ZBTB2: variants seen among roughly 807,000 people sequenced by gnomAD.
The protein encoded by ZBTB2 is zinc finger and BTB domain containing 2, also known as zinc finger and BTB domain-containing protein 2.
A neutral mutation model predicts 39.5 loss-of-function variants in ZBTB2; 2 were observed. The ratio of observed to expected loss-of-function variants is 0.05; its 90% confidence interval spans 0.02 to 0.16. ZBTB2 has a LOEUF of 0.16. ZBTB2 is among the 10% of genes least tolerant of loss of function. The pLI, the probability that ZBTB2 is intolerant of heterozygous loss-of-function variation, is 1.00. For missense variants in ZBTB2, 391 were observed against 653.0 expected, an observed-to-expected ratio of 0.60 and a Z score of 4.37; for synonymous variants, 251 against 256.6, an observed-to-expected ratio of 0.98 and a Z score of 0.21.
intron 1 of ZBTB2, among the ~76,000 whole-genome samples, chr6:151,382,898 T>C (rs2114875913): frequency 6.6e-6 from 1 of 151,912 alleles, no homozygotes. Context: ...CAACATAAAA[T>C]GTTACTTTAA....
intron 1 of ZBTB2, among the ~76,000 whole-genome samples, chr6:151,377,779 C>T (rs992593681): frequency 1.3e-5 from 2 of 151,848 alleles, no homozygotes; most frequent in Non-Finnish European, 2.9e-5. Flanking sequence ...TGTGATCCGC[C>T]CACCTTGGCC....
chr6:151,366,455 G>A lies in ZBTB2; in HGVS notation c.611C>T (p.Pro204Leu). ...PSDPLQTSLS[P>L]ELVSTPVPPP... is the part of the protein sequence containing the mutation. Reference sequence around the variant, plus strand: ...AGGAACAGGAGTGGAAACAAGTTCTGGAGACAGCGAGGTCTGCAGGGGGTC... The same window carrying A: ...AGGAACAGGAGTGGAAACAAGTTCTAGAGACAGCGAGGTCTGCAGGGGGTC... The change falls in exon 3 of 3, where the codon CCA (proline) becomes CTA (leucine). Residue 204 changes from proline to leucine, a missense_variant. Physicochemically the swap from Pro to Leu is moderately conservative, Grantham distance 98. Coordinates refer to ENST00000325144, the MANE Select transcript of ZBTB2 (RefSeq NM_020861.3). The surrounding 1 kb of genome is among the most constrained non-coding windows in gnomAD (Gnocchi z 7.1). The A allele has an allele frequency of 6.2e-7, 1 of 1,614,064 alleles. No individual in the cohort carries two copies. Among genetic ancestry groups the A allele is most frequent in the Non-Finnish European group, 8.5e-7 (1 of 1,180,004 alleles).
chr6:151,381,876 G>A (rs991085819), intron 1 of ZBTB2, among the ~76,000 whole-genome samples: 1 of 152,202 alleles, frequency 6.6e-6, no homozygotes, highest in Non-Finnish European at 1.5e-5. Flanking sequence ...CCTCCCAGAG[G>A]AAGGGCAGGT....
At chr6:151,370,589 T>G (rs974291849) in intron 2 of ZBTB2, among the ~76,000 whole-genome samples, 2 of 152,228 alleles carry the variant, frequency 1.3e-5, no homozygotes, top group African/African-American at 4.8e-5. Flanking sequence ...GCTGAAAGTC[T>G]GTAGTTGTCT....
intron 1 of ZBTB2, among the ~76,000 whole-genome samples, chr6:151,382,948 T>C (rs1473772787): frequency 6.6e-6 from 1 of 151,708 alleles, no homozygotes; most frequent in Non-Finnish European, 1.5e-5. Flanking sequence ...TTTTTTTAGA[T>C]TGAGTCTCAC....
chr6:151,378,360 T>C (rs1410152616), intron 1 of ZBTB2, among the ~76,000 whole-genome samples: 1 of 152,176 alleles, frequency 6.6e-6, no homozygotes, highest in East Asian at 1.9e-4. Flanking sequence ...AGACCTAGAC[T>C]GTTGTCTCAT....
chr6:151,388,502 A>C (rs1416034263), intron 1 of ZBTB2, among the ~76,000 whole-genome samples: 1 of 152,228 alleles, frequency 6.6e-6, no homozygotes, highest in Non-Finnish European at 1.5e-5. Flanking sequence ...ACAGGATTGC[A>C]AAGTATATCT....
chr6:151,377,900 C>T (rs1168766622), intron 1 of ZBTB2: 1 of 151,816 alleles, frequency 6.6e-6, no homozygotes, highest in Admixed American at 6.6e-5. Context: ...GTATGCTAAA[C>T]TTCAGAGTTA....
chr6:151,388,910 T>C (rs976142787), intron 1 of ZBTB2, among the ~76,000 whole-genome samples: 2 of 152,158 alleles, frequency 1.3e-5, no homozygotes, highest in Non-Finnish European at 2.9e-5. Context: ...ACTGGGACTG[T>C]AGGACAAAGT....
At position 151,366,549 on chromosome 6, in the gene ZBTB2, C is replaced by T; in HGVS notation, c.517G>A (p.Glu173Lys). The change falls in exon 3 of 3, where the codon GAG becomes AAG. Residue 173 changes from glutamate to lysine, a missense_variant. By Grantham distance (56) the Glu-to-Lys change is moderately conservative. Around this residue, in one of 7 missense-constraint regions of ZBTB2, gnomAD observed 175 missense variants for 198.6 expected, o/e 0.88. Transcript: ENST00000325144. This position sits in a 1 kb window ranked among gnomAD's most constrained non-coding sequence, Gnocchi z 7.1. ...TSRISQEQVP[E>K]ASQLSQLTSN... ...GTCAGCTGGGAGAGCTGTGAGGCCT[C>T]AGGGACCTGCTCCTGGCTTATCCTG... 2 of 1,614,098 alleles carry T rather than the reference C, an allele frequency of 1.2e-6. No homozygotes were observed. Among genetic ancestry groups the T allele is most frequent in the African/African-American group, 1.3e-5 (1 of 74,988 alleles).
intron 2 of ZBTB2, among the ~76,000 whole-genome samples, chr6:151,368,317 CT>C (rs1442225167): frequency 6.6e-6 from 1 of 151,692 alleles, no homozygotes; most frequent in Non-Finnish European, 1.5e-5. Flanking sequence ...CGGCTAATTT[CT>C]TTTTGTATTT....
chr6:151,373,713 T>C, intron 1 of ZBTB2, 64 bp from the exon 2 acceptor site: 1 of 1,440,910 alleles, frequency 6.9e-7, no homozygotes, highest in African/African-American at 1.4e-5. Flanking sequence ...TCCTTTATAG[T>C]CACCAACAGT....
chr6:151,370,783 CT>C (rs553923646), intron 2 of ZBTB2, among the ~76,000 whole-genome samples: 3 of 152,194 alleles, frequency 2.0e-5, no homozygotes, highest in Admixed American at 1.3e-4. Context: ...AAGTACGCCC[CT>C]GGCCTTCACC....
Position 151,366,084 on chromosome 6 carries a change from T to G in ZBTB2, c.982A>C (p.Ile328Leu), listed in dbSNP as rs767635479. The G allele has an allele frequency of 6.2e-7, 1 of 1,614,150 alleles. No homozygotes were observed. Among genetic ancestry groups the G allele is most frequent in the Admixed American group, 1.7e-5 (1 of 60,028 alleles). ...TCCGACTGCTGCTGCCCATCGATGA[T>G]GGGAGAATCAGAGATGTGCTGCAGC... is the stretch of plus-strand genomic sequence containing the variant. ...SELQHISDSPIIDGQQQSETP... is the reference protein window; with the variant it reads ...SELQHISDSPLIDGQQQSETP... Residue 328 changes from isoleucine (I) to leucine (L), a missense_variant, in exon 3 of 3, where the codon ATC (isoleucine) becomes CTC (leucine). This residue lies in a region of ZBTB2 where 80 missense variants were observed against 125.2 expected (regional missense o/e 0.64). Transcript: ENST00000325144. This position sits in a 1 kb window ranked among gnomAD's most constrained non-coding sequence, Gnocchi z 7.1.
At chr6:151,373,030 C>T (rs1778818550) in intron 2 of ZBTB2, among the ~76,000 whole-genome samples, 1 of 151,662 alleles carries the variant, frequency 6.6e-6, no homozygotes, top group African/African-American at 2.4e-5. Flanking sequence ...CGGCGGGTGC[C>T]TGTAGTCCCA....
intron 2 of ZBTB2, among the ~76,000 whole-genome samples, chr6:151,373,191 ATG>A (rs1778824739): frequency 2.4e-5 from 3 of 126,360 alleles, no homozygotes; most frequent in Non-Finnish European, 5.1e-5. Context: ...AAAAAAAAAA[ATG>A]GACCTGATTT....
chr6:151,367,287 A>AT (rs1370511284), intron 2 of ZBTB2, among the ~76,000 whole-genome samples: 3 of 151,952 alleles, frequency 2.0e-5, no homozygotes, highest in Non-Finnish European at 2.9e-5. Context: ...CGCCCAGTTA[A>AT]TTTTTGTATT....
intron 1 of ZBTB2, among the ~76,000 whole-genome samples, chr6:151,387,403 A>G (rs1261697440): frequency 6.6e-6 from 1 of 152,158 alleles, no homozygotes; most frequent in African/African-American, 2.4e-5. Context: ...ATAACAACTT[A>G]GTATTACTGT....
At chr6:151,381,865 T>A (rs912082949) in intron 1 of ZBTB2, among the ~76,000 whole-genome samples, 1 of 152,236 alleles carries the variant, frequency 6.6e-6, no homozygotes, top group Non-Finnish European at 1.5e-5. Context: ...ATCAGTATTA[T>A]CCTCCCAGAG....
Sources: allele counts gnomAD v4.1 joint callset (sites outside exome capture counted in the v4.1 genomes callset), GRCh38; gene constraint gnomAD v4.1.1; regional missense constraint gnomAD v4.1.1; non-coding constraint Gnocchi (gnomAD v3.1); transcripts MANE v1.5; gene names NCBI Gene and HGNC (gene_info 2026-07-23, HGNC 2026-07-21).